Variants in DPP10 observed in about 807,000 individuals in gnomAD.
The protein encoded by DPP10 is inactive dipeptidyl peptidase 10.
A neutral mutation model predicts 120.9 loss-of-function variants in DPP10; 33 were observed. That is an observed-to-expected ratio of 0.27 (90% CI 0.21 to 0.37). The LOEUF is 0.37. DPP10 is among the 10% of genes least tolerant of loss of function. DPP10 has a pLI of 1.00. For missense variants in DPP10, 816 were observed against 942.8 expected (o/e 0.87, Z 1.76); for synonymous variants, 337 against 326.1 (o/e 1.03, Z -0.36).
At chr2:115,403,956 CTA>C (rs1023832422) in intron 3 of DPP10, among the ~76,000 whole-genome samples, 44 of 152,084 alleles carry the variant, frequency 2.9e-4, no homozygotes, top group African/African-American at 9.9e-4. Flanking sequence ...CAATAATGGT[CTA>C]TCTTAAAAGG....
intron 1 of DPP10, among the ~76,000 whole-genome samples, chr2:115,155,799 C>T (rs1333179935): frequency 1.3e-5 from 2 of 152,192 alleles, no homozygotes. Flanking sequence ...TATTTCATTT[C>T]ATGATTCTTA....
At chr2:115,012,741 T>C (rs76306031) in intron 1 of DPP10, among the ~76,000 whole-genome samples, 5,737 of 152,238 alleles carry the variant, frequency 0.038, 203 homozygotes, top group East Asian at 0.16. Flanking sequence ...AAATCAATTC[T>C]GGTAACATGA....
intron 1 of DPP10, among the ~76,000 whole-genome samples, chr2:114,607,900 A>G (rs1053810354): frequency 9.2e-5 from 14 of 152,164 alleles, no homozygotes; most frequent in Non-Finnish European, 1.5e-4. Context: ...CTTTTCTTTC[A>G]AGGAAGAATC....
chr2:114,750,560 C>T (rs975553188), intron 1 of DPP10, among the ~76,000 whole-genome samples: 8 of 152,138 alleles, frequency 5.3e-5, no homozygotes, highest in African/African-American at 1.9e-4. Context: ...GTCTCGATCT[C>T]CTAACCTCGT....
Position 115,458,806 on chromosome 2 carries a change from T to C in DPP10, c.272-40704T>C, listed in dbSNP as rs141670533. On this transcript the variant is annotated intron_variant, in intron 3 of 25. Coordinates refer to ENST00000410059, the MANE Select transcript of DPP10 (RefSeq NM_020868.6). ...TTGAATGTACAGTGTATGTGTCACATGTTTATATGTGATACTTATGCACAT... is the reference window on the plus strand; with the variant it reads ...TTGAATGTACAGTGTATGTGTCACACGTTTATATGTGATACTTATGCACAT... Among the ~76,000 whole-genome samples, 667 of 152,300 alleles carry C rather than the reference T, an allele frequency of 4.4e-3. 3 individuals carry two copies. Among genetic ancestry groups the C allele is most frequent in the African/African-American group, 0.01 (421 of 41,562 alleles).
At chr2:114,754,274 G>A (rs1455656646) in intron 1 of DPP10, among the ~76,000 whole-genome samples, 1 of 152,138 alleles carries the variant, frequency 6.6e-6, no homozygotes, top group Non-Finnish European at 1.5e-5. Context: ...ACCTGGATGG[G>A]TGGTCACTTG....
chr2:114,939,542 A>G (rs1476769010), intron 1 of DPP10, among the ~76,000 whole-genome samples: 1 of 152,134 alleles, frequency 6.6e-6, no homozygotes, highest in Non-Finnish European at 1.5e-5. Flanking sequence ...TGCTTTTATA[A>G]TAAATTTAAG....
chr2:114,890,931 C>T (rs1368226029), intron 1 of DPP10, among the ~76,000 whole-genome samples: 1 of 151,664 alleles, frequency 6.6e-6, no homozygotes, highest in Non-Finnish European at 1.5e-5. Flanking sequence ...AGCACGGTAG[C>T]AGGGTACAAT....
At chr2:115,125,762 CTAA>C (rs1039270458) in intron 1 of DPP10, among the ~76,000 whole-genome samples, 5 of 151,526 alleles carry the variant, frequency 3.3e-5, no homozygotes, top group African/African-American at 1.2e-4. Flanking sequence ...TTCTGTATTT[CTAA>C]TAGAGACCGG....
chr2:114,696,030 C>T (rs1175319743), intron 1 of DPP10, among the ~76,000 whole-genome samples: 1 of 152,022 alleles, frequency 6.6e-6, no homozygotes, highest in Non-Finnish European at 1.5e-5. Flanking sequence ...TTCATTTTCC[C>T]TTTACAAACC....
intron 2 of DPP10, among the ~76,000 whole-genome samples, chr2:115,317,948 C>T (rs2061876442): frequency 6.6e-6 from 1 of 152,022 alleles, no homozygotes; most frequent in African/African-American, 2.4e-5. Flanking sequence ...TCATTTGGTG[C>T]ACAAAGTTCT....
intron 1 of DPP10, among the ~76,000 whole-genome samples, chr2:114,709,670 G>C (rs1402364526): frequency 6.6e-6 from 1 of 152,058 alleles, no homozygotes; most frequent in Non-Finnish European, 1.5e-5. Context: ...ATGTCCTGAA[G>C]GGATATTATT....
chr2:115,727,978 A>G (rs1460848601), intron 8 of DPP10, 42 bp downstream of exon 8: 3 of 1,574,446 alleles, frequency 1.9e-6, no homozygotes, highest in East Asian at 2.3e-5. Flanking sequence ...CAAATGACAT[A>G]TTTTTATACA....
intron 5 of DPP10, among the ~76,000 whole-genome samples, chr2:115,574,038 G>A (rs1181902661): frequency 6.6e-6 from 1 of 151,972 alleles, no homozygotes; most frequent in Non-Finnish European, 1.5e-5. Context: ...ATTTTCTTGG[G>A]TTGTTGTAAA....
At chr2:115,059,422 A>G (rs1026476260) in intron 1 of DPP10, among the ~76,000 whole-genome samples, 4 of 145,966 alleles carry the variant, frequency 2.7e-5, no homozygotes, top group African/African-American at 5.1e-5. Flanking sequence ...CTAATTTCCT[A>G]ATGAATCCAG....
At chr2:115,620,437 A>T (rs1000510476) in intron 5 of DPP10, among the ~76,000 whole-genome samples, 1 of 152,228 alleles carries the variant, frequency 6.6e-6, no homozygotes, top group Non-Finnish European at 1.5e-5. Flanking sequence ...AAAATCTTAC[A>T]TGGTCATCTG....
intron 1 of DPP10, among the ~76,000 whole-genome samples, chr2:114,762,975 A>C (rs1269890849): frequency 6.6e-6 from 1 of 152,188 alleles, no homozygotes. Context: ...TATATATGTC[A>C]TATGTCATTG....
chr2:115,412,494 C>A, intron 3 of DPP10, among the ~76,000 whole-genome samples: 1 of 152,104 alleles, frequency 6.6e-6, no homozygotes, highest in East Asian at 1.9e-4. Flanking sequence ...GAAGGTTCAT[C>A]GAAATTTAAA....
intron 5 of DPP10, among the ~76,000 whole-genome samples, chr2:115,639,932 A>AT (rs201658068): frequency 1.2e-4 from 18 of 150,358 alleles, no homozygotes; most frequent in African/African-American, 2.5e-4. Flanking sequence ...TATATAAGTG[A>AT]TTTTTTTTTA....
Sources: allele counts gnomAD v4.1 joint callset (sites outside exome capture counted in the v4.1 genomes callset), GRCh38; gene constraint gnomAD v4.1.1; transcripts MANE v1.5; gene names NCBI Gene and HGNC (gene_info 2026-07-23, HGNC 2026-07-21).